Variants in SRBD1 observed in about 807,000 individuals in gnomAD.
SRBD1 encodes the protein S1 RNA binding domain 1.
A neutral mutation model predicts 115.3 loss-of-function variants in SRBD1; 88 were observed. That is an observed-to-expected ratio of 0.76 (90% CI 0.64 to 0.91). The LOEUF (loss-of-function observed/expected upper bound fraction) is 0.91, where lower values mean the gene tolerates loss of function less well. Among genes scored for constraint, SRBD1 ranks in the 40% least tolerant of loss-of-function variants. SRBD1 has a pLI of 0.00. For synonymous variants in SRBD1, 509 were observed against 407.7 expected, an observed-to-expected ratio of 1.25 and a Z score of -2.99; for missense variants, 1,385 against 1,177.4, an observed-to-expected ratio of 1.18 and a Z score of -2.58.
intron 12 of SRBD1, among the ~76,000 whole-genome samples, chr2:45,550,262 T>C (rs560764551): frequency 4.5e-4 from 68 of 152,166 alleles, no homozygotes; most frequent in African/African-American, 1.5e-3. Flanking sequence ...ATGTATGTAA[T>C]TGGAGTTCCA....
At chr2:45,469,286 T>C (rs1199044652) in intron 16 of SRBD1, among the ~76,000 whole-genome samples, 1 of 152,160 alleles carries the variant, frequency 6.6e-6, no homozygotes, top group Non-Finnish European at 1.5e-5. Flanking sequence ...TAATTATTAG[T>C]TTTAAACACT....
At chr2:45,472,017 TTGAACAAAAATGTTC>T (rs1669664874) in intron 16 of SRBD1, among the ~76,000 whole-genome samples, 1 of 152,066 alleles carries the variant, frequency 6.6e-6, no homozygotes, top group African/African-American at 2.4e-5. Flanking sequence ...ACATAAAAAC[TTGAACAAAAATGTTC>T]ACAGCAGCAT....
rs780737831 is a variant in SRBD1 at position 45,426,074 on chromosome 2, G to A, written c.2050-6180C>T. Among the ~76,000 whole-genome samples the A allele has an allele frequency of 2.6e-4, 39 of 152,290 alleles. No individual in the cohort carries two copies. In the Middle Eastern group the frequency reaches 0.014, roughly 53 times the overall value. On this transcript the variant is annotated intron_variant, in intron 16 of 20. Coordinates refer to ENST00000263736, the MANE Select transcript of SRBD1 (RefSeq NM_018079.5). ...TAGCTCAGCAGATCCCAACCCCATG[G>A]AGCTCAGCAAGCTAAGATCCACTGG... is the stretch of plus-strand genomic sequence containing the variant.
Position 45,599,540 on chromosome 2 carries a change from G to A in SRBD1, c.557C>T (p.Thr186Ile), listed in dbSNP as rs753287117. 1.2e-6 allele frequency: 2 copies of A among 1,614,202 alleles called. No homozygotes were observed. The highest frequency in any genetic ancestry group is 8.5e-7 in the Non-Finnish European group (1 of 1,180,048). ...FGQSALKKIK[T>I]ETYPQGQPVK... ...AGGCTGCCCCTGAGGATATGTCTCA[G>A]TCTTGATTTTCTTTAAAGCGGACTG... The change falls in exon 4 of 21, where the codon ACT (threonine) becomes ATT (isoleucine). Residue 186 changes from threonine (T) to isoleucine (I), a missense_variant. Coordinates refer to ENST00000263736, the MANE Select transcript of SRBD1 (RefSeq NM_018079.5).
chr2:45,512,670 C>T (rs1671005030), intron 14 of SRBD1, among the ~76,000 whole-genome samples: 1 of 152,064 alleles, frequency 6.6e-6, no homozygotes, highest in Non-Finnish European at 1.5e-5. Flanking sequence ...AGTCAAAATC[C>T]ATTTTAAATG....
intron 18 of SRBD1, among the ~76,000 whole-genome samples, chr2:45,415,692 A>T (rs568933052): frequency 1.5e-4 from 1 of 6,680 alleles, no homozygotes. Flanking sequence ...GGGACGGGAG[A>T]GGAGAGGAGA....
chr2:45,509,192 T>C (rs1670887191), intron 14 of SRBD1, among the ~76,000 whole-genome samples: 1 of 152,302 alleles, frequency 6.6e-6, no homozygotes, highest in Non-Finnish European at 1.5e-5. Context: ...GATATATTGT[T>C]AATAAAATCA....
At chr2:45,434,568 C>T (rs1268496744) in intron 16 of SRBD1, among the ~76,000 whole-genome samples, 1 of 152,024 alleles carries the variant, frequency 6.6e-6, no homozygotes, top group African/African-American at 2.4e-5. Context: ...TTTAAAGGGT[C>T]AATGTTCTCA....
At chr2:45,485,895 A>C (rs1396873002) in intron 15 of SRBD1, among the ~76,000 whole-genome samples, 2 of 152,212 alleles carry the variant, frequency 1.3e-5, no homozygotes, top group East Asian at 1.9e-4. Flanking sequence ...TAGAGACTCC[A>C]AGCTCTTTGA....
At chr2:45,471,721 A>T (rs531419389) in intron 16 of SRBD1, among the ~76,000 whole-genome samples, 6 of 152,214 alleles carry the variant, frequency 3.9e-5, no homozygotes, top group African/African-American at 1.4e-4. Context: ...AAATAATAAC[A>T]CCCTCTAAAA....
intron 4 of SRBD1, among the ~76,000 whole-genome samples, chr2:45,596,705 C>G (rs1004161922): frequency 2.6e-5 from 4 of 152,066 alleles, no homozygotes; most frequent in African/African-American, 9.7e-5. Flanking sequence ...GAGCTCATAA[C>G]AAGTCATCTA....
rs1673080355 is a variant in SRBD1, at chr2:45,573,362, T to C, written c.1170-20A>G. Reference sequence around the variant, plus strand: ...TGGCACCTGTTCAGATACACAAGTGTTCAAAAAACAAGCAGTTATTAATTT... The same window carrying C: ...TGGCACCTGTTCAGATACACAAGTGCTCAAAAAACAAGCAGTTATTAATTT... On this transcript the variant is annotated intron_variant, in intron 8 of 20. Transcript: ENST00000263736. The C allele has an allele frequency of 1.3e-6, 2 of 1,588,842 alleles. No individual in the cohort carries two copies. Among genetic ancestry groups the C allele is most frequent in the Non-Finnish European group, 1.7e-6 (2 of 1,172,094 alleles).
intron 16 of SRBD1, among the ~76,000 whole-genome samples, chr2:45,464,096 G>T (rs962238872): frequency 6.6e-6 from 1 of 151,380 alleles, no homozygotes; most frequent in African/African-American, 2.4e-5. Context: ...TATTTCCACC[G>T]AGAACAGAAT....
At chr2:45,586,747 A>G (rs914424816) in intron 4 of SRBD1, among the ~76,000 whole-genome samples, 2 of 151,206 alleles carry the variant, frequency 1.3e-5, no homozygotes, top group African/African-American at 4.9e-5. Context: ...AGGTCTTACT[A>G]CATTGCCCAA....
chr2:45,553,725 C>A lies in SRBD1; in HGVS notation c.1415G>T (p.Arg472Ile). ...FCRWCIQNRWRPRSFARPELM... is the reference protein window; with the variant it reads ...FCRWCIQNRWIPRSFARPELM... ...CTCTGGCCTTGCAAAGCTACGTGGT[C>A]TCCACCTGCAAAACAGAAAAGCCCA... Residue 472 changes from arginine (R) to isoleucine (I), a missense_variant, in exon 11 of 21, where the codon AGA becomes ATA. By Grantham distance (97) the Arg-to-Ile change is moderately conservative (BLOSUM62 -3). Transcript: ENST00000263736. 1.9e-6 allele frequency: 3 copies of A among 1,572,970 alleles called. No homozygotes were observed. Among genetic ancestry groups the A allele is most frequent in the South Asian group, 2.4e-5 (2 of 83,654 alleles).
At chr2:45,587,548 G>C (rs919938520) in intron 4 of SRBD1, among the ~76,000 whole-genome samples, 1 of 151,906 alleles carries the variant, frequency 6.6e-6, no homozygotes, top group Non-Finnish European at 1.5e-5. Context: ...TAAAAAACAG[G>C]GAAAATTTAT....
chr2:45,440,326 T>C (rs569055488), intron 16 of SRBD1, among the ~76,000 whole-genome samples: 56 of 152,336 alleles, frequency 3.7e-4, no homozygotes, highest in African/African-American at 1.3e-3. Flanking sequence ...GTAGGTGTTC[T>C]TATGTCCCCT....
chr2:45,519,409 G>T (rs1393194298), intron 14 of SRBD1, among the ~76,000 whole-genome samples: 2 of 152,184 alleles, frequency 1.3e-5, no homozygotes, highest in South Asian at 4.2e-4. Context: ...CTAAAGTAAA[G>T]AAACAAAAAG....
At chr2:45,567,634 C>T (rs879238010) in intron 9 of SRBD1, among the ~76,000 whole-genome samples, 1 of 150,720 alleles carries the variant, frequency 6.6e-6, no homozygotes, top group African/African-American at 2.4e-5. Flanking sequence ...AGTAAGCTTA[C>T]ATAAAACAAT....
Sources: allele counts gnomAD v4.1 joint callset (sites outside exome capture counted in the v4.1 genomes callset), GRCh38; gene constraint gnomAD v4.1.1; transcripts MANE v1.5; gene names NCBI Gene and HGNC (gene_info 2026-07-23, HGNC 2026-07-21).